The following MYH10 variants were observed in gnomAD, a reference collection of about 807,000 sequenced individuals.
MYH10 encodes the protein myosin heavy chain 10, also known as myosin-10.
Under a neutral mutation model 257.8 loss-of-function variants are expected in MYH10, and 55 were observed. That is an observed-to-expected ratio of 0.21 (90% CI 0.17 to 0.27). MYH10 has a LOEUF of 0.27. Among genes scored for constraint, MYH10 ranks in the 10% least tolerant of loss-of-function variants. The pLI, the probability that MYH10 is intolerant of heterozygous loss-of-function variation, is 1.00. For synonymous variants in MYH10, 854 were observed against 921.7 expected, an observed-to-expected ratio of 0.93 and a Z score of 1.33; for missense variants, 1,631 against 2,500.6, an observed-to-expected ratio of 0.65 and a Z score of 7.42.
chr17:8,617,815 T>A (rs1023176692), intron 2 of MYH10, among the ~76,000 whole-genome samples: 3 of 152,184 alleles, frequency 2.0e-5, no homozygotes, highest in Non-Finnish European at 4.4e-5. Context: ...TACTCAAACT[T>A]TTAAAATTTC....
intron 2 of MYH10, among the ~76,000 whole-genome samples, chr17:8,621,074 C>A (rs1033328717): frequency 4.6e-5 from 7 of 152,204 alleles, no homozygotes; most frequent in African/African-American, 1.7e-4. Flanking sequence ...ACTTAGCACC[C>A]TTTGCAGCTA....
intron 3 of MYH10, among the ~76,000 whole-genome samples, chr17:8,592,414 GA>G (rs1419383077): frequency 1.3e-5 from 2 of 151,832 alleles, no homozygotes; most frequent in Non-Finnish European, 2.9e-5. Flanking sequence ...AAGTAATCAG[GA>G]AAAAGGAGAA....
chr17:8,515,282 C>T (rs752515679), intron 21 of MYH10, among the ~76,000 whole-genome samples: 4 of 152,104 alleles, frequency 2.6e-5, no homozygotes, highest in Admixed American at 6.6e-5. Context: ...TTGAATTATT[C>T]ATTCACTCCA....
Position 8,544,730 on chromosome 17 carries a change from T to C in MYH10, c.1431+718A>G, listed in dbSNP as rs540929302. Among the ~76,000 whole-genome samples, 5 of 152,330 alleles carry C rather than the reference T, an allele frequency of 3.3e-5. No individual in the cohort carries two copies. The South Asian group carries it at 1.0e-3, about 32-fold the overall frequency. ...TTTATGGAAATAAAGATATAAATTTTTAGATGCCCCAAATTTTATGCACCT... is the reference window on the plus strand; with the variant it reads ...TTTATGGAAATAAAGATATAAATTTCTAGATGCCCCAAATTTTATGCACCT... On this transcript the variant is annotated intron_variant, in intron 13 of 42. Transcript: ENST00000360416.
chr17:8,478,879 G>C (rs550262613), intron 40 of MYH10, among the ~76,000 whole-genome samples: 24 of 152,142 alleles, frequency 1.6e-4, no homozygotes, highest in Non-Finnish European at 3.4e-4. Context: ...TACAAGGCAT[G>C]CACCACCACG....
In MYH10 at chr17:8,478,425, TTTG is replaced by T. The variant is rs763529078; in HGVS notation, c.5616_5618del (p.Asn1872del). The T allele has an allele frequency of 6.2e-7, 1 of 1,614,270 alleles. No homozygotes were observed. ...GCTTCTTCTCAGTGCGACGGACTAATTTGTTGGCGGCTGCTCGTTCCCTGTGAA... is the reference window on the plus strand; with the variant it reads ...GCTTCTTCTCAGTGCGACGGACTAATTTGGCGGCTGCTCGTTCCCTGTGAA... On this transcript the variant is annotated inframe_deletion, in exon 41 of 43. Transcript: ENST00000360416.
chr17:8,529,782 A>C (rs1294670345), intron 17 of MYH10, among the ~76,000 whole-genome samples: 1 of 152,244 alleles, frequency 6.6e-6, no homozygotes, highest in African/African-American at 2.4e-5. Context: ...AAAATCATAA[A>C]GGAAATTTCA....
rs1416024734 is a variant in MYH10 at position 8,535,568 on chromosome 17, C to G, written c.1780-67G>C. ...AAAACCAAATGCAAAAACAAAAACACTTTAAGCCTCAACCAGAAACTTTTA... is the reference window on the plus strand; with the variant it reads ...AAAACCAAATGCAAAAACAAAAACAGTTTAAGCCTCAACCAGAAACTTTTA... On this transcript the variant is annotated intron_variant, in intron 15 of 42. Transcript: ENST00000360416. The surrounding 1 kb of genome is among the most constrained non-coding windows in gnomAD (Gnocchi z 4.3). 2.1e-6 allele frequency: 3 copies of G among 1,431,030 alleles called. No individual in the cohort carries two copies. The highest frequency in any genetic ancestry group is 2.9e-6 in the Non-Finnish European group (3 of 1,036,676). The allele number at this position is 1,431,030 out of a possible 1,614,324, so 88.6% of individuals were successfully genotyped here. A position where few individuals can be genotyped will look rare whatever the true frequency, so the allele number is the denominator to read the frequency against.
intron 17 of MYH10, among the ~76,000 whole-genome samples, chr17:8,528,491 G>T (rs1475879967): frequency 6.6e-6 from 1 of 152,110 alleles, no homozygotes; most frequent in Admixed American, 6.5e-5. Flanking sequence ...ATTCTCCCCT[G>T]TTCCTTTCTC....
At chr17:8,520,851 A>T in intron 19 of MYH10, 27 bp downstream of exon 19, 2 of 1,580,326 alleles carry the variant, frequency 1.3e-6, no homozygotes, top group Non-Finnish European at 8.6e-7. Flanking sequence ...CTGATACATA[A>T]GCAAAAAAAG....
At position 8,566,088 on chromosome 17, in the gene MYH10, T is replaced by C. The variant is rs1035970060; in HGVS notation, c.756+3632A>G. Among the ~76,000 whole-genome samples the C allele has an allele frequency of 2.0e-5, 3 of 152,146 alleles. 1 individual carries two copies. The highest frequency in any genetic ancestry group is 7.2e-5 in the African/African-American group (3 of 41,416). On this transcript the variant is annotated intron_variant, in intron 7 of 42. Coordinates refer to ENST00000360416, the MANE Select transcript of MYH10 (RefSeq NM_001256012.3). ...GCATCCTTGGCCTCTACCAACTAGA[T>C]GCCAGTGGCACACCACTACCCAATC...
intron 36 of MYH10, among the ~76,000 whole-genome samples, chr17:8,484,557 T>C (rs567132235): frequency 2.6e-5 from 4 of 152,192 alleles, no homozygotes; most frequent in Non-Finnish European, 5.9e-5. Flanking sequence ...ATGAAATCCC[T>C]TATGAATACA....
chr17:8,530,849 C>T (rs1411001215), intron 16 of MYH10, among the ~76,000 whole-genome samples, 164 bp from the exon 17 acceptor site: 1 of 152,150 alleles, frequency 6.6e-6, no homozygotes, highest in African/African-American at 2.4e-5. Context: ...AGAATTTGCA[C>T]ATTTGGATAA....
At chr17:8,521,429 T>G (rs1169907257) in intron 17 of MYH10, 144 bp from the exon 18 acceptor site, 5 of 816,810 alleles carry the variant, frequency 6.1e-6, no homozygotes, top group South Asian at 3.4e-5. Flanking sequence ...TCAGCATACT[T>G]AGGCACTGCA....
Position 8,535,421 on chromosome 17 carries a change from T to C in MYH10, c.1860A>G (p.Ser620=), listed in dbSNP as rs777920548. ...AAAGCTCTGCCACAAATCTGTCTGA[T>C]GACTGGTGCAAAAGGGTGGCCACGT... The part of the protein sequence containing the change: ...NDNVATLLHQ[S]SDRFVAELWK... The change falls in exon 16 of 43, where the codon TCA becomes TCG. Residue 620 remains serine, a synonymous_variant. Coordinates refer to ENST00000360416, the MANE Select transcript of MYH10 (RefSeq NM_001256012.3). The surrounding 1 kb of genome is among the most constrained non-coding windows in gnomAD (Gnocchi z 4.3). 5.0e-6 allele frequency: 8 copies of C among 1,614,018 alleles called. No homozygotes were observed. The East Asian group carries it at 8.9e-5, about 18-fold the overall frequency.
In MYH10 at chr17:8,475,551, C is replaced by G; in HGVS notation, c.*253G>C. On this transcript the variant is annotated 3_prime_UTR_variant, in exon 43 of 43. Transcript: ENST00000360416. ...GTTTTATAAAATGGTCTCTTGATGA[C>G]TATATGGAAAATAGATGCAATGATG... The G allele has an allele frequency of 2.3e-6, 1 of 442,614 alleles. No homozygotes were observed. Among genetic ancestry groups the G allele is most frequent in the Non-Finnish European group, 4.0e-6 (1 of 249,612 alleles). The allele number at this position is 442,614 out of a possible 1,614,324, so 27.4% of individuals were successfully genotyped here.
chr17:8,563,712 C>A (rs1296698919), intron 7 of MYH10, among the ~76,000 whole-genome samples: 1 of 152,190 alleles, frequency 6.6e-6, no homozygotes, highest in Admixed American at 6.5e-5. Flanking sequence ...TTTTCAGCAA[C>A]TGCCTTTTGA....
chr17:8,578,723 C>T (rs1300609455), intron 4 of MYH10, among the ~76,000 whole-genome samples: 2 of 152,072 alleles, frequency 1.3e-5, no homozygotes, highest in South Asian at 2.1e-4. Context: ...ACACACACAG[C>T]GAGACCTGAA....
At chr17:8,505,538 T>C (rs112222468) in intron 27 of MYH10, among the ~76,000 whole-genome samples, 2,398 of 152,360 alleles carry the variant, frequency 0.016, 59 homozygotes, top group African/African-American at 0.054. Flanking sequence ...TGTAGCCAAA[T>C]AGTTATTCTT....
Sources: gnomAD v4.1 joint callset for allele counts (sites outside exome capture counted in the v4.1 genomes callset) on GRCh38, gnomAD v4.1.1 for gene constraint, Gnocchi (gnomAD v3.1) non-coding constraint, MANE v1.5 for transcripts, NCBI Gene and HGNC (gene_info 2026-07-23, HGNC 2026-07-21) for gene names.